Variants in OCA2 observed in about 807,000 individuals in gnomAD.
OCA2 encodes the protein OCA2 melanosomal transmembrane protein.
Under a neutral mutation model 100.2 loss-of-function variants are expected in OCA2, and 77 were observed. That is an observed-to-expected ratio of 0.77 (90% CI 0.64 to 0.93). The LOEUF is 0.93. Among genes scored for constraint, OCA2 ranks in the 40% least tolerant of loss-of-function variants. The probability of loss-of-function intolerance (pLI) is 0.00; values close to 1 mark genes in which losing one functional copy is unlikely to be tolerated. For synonymous variants in OCA2, 432 were observed against 439.2 expected, an observed-to-expected ratio of 0.98 and a Z score of 0.21; for missense variants, 1,062 against 1,089.1, an observed-to-expected ratio of 0.98 and a Z score of 0.35.
chr15:27,887,062 G>A (rs1005564668), intron 19 of OCA2, among the ~76,000 whole-genome samples: 2 of 152,108 alleles, frequency 1.3e-5, no homozygotes, highest in Admixed American at 6.5e-5. Flanking sequence ...GTTTTAAAAC[G>A]GGAGTTTCCC....
chr15:27,812,146 C>G (rs888511067), intron 23 of OCA2, among the ~76,000 whole-genome samples: 1 of 152,048 alleles, frequency 6.6e-6, no homozygotes, highest in African/African-American at 2.4e-5. Flanking sequence ...AATGCTGGAG[C>G]GAAGACCCCT....
At chr15:28,065,191 G>C (rs1467189724) in intron 2 of OCA2, among the ~76,000 whole-genome samples, 1 of 152,058 alleles carries the variant, frequency 6.6e-6, no homozygotes. Context: ...CTGAGACTAA[G>C]ATTAAGCTTG....
intron 22 of OCA2, among the ~76,000 whole-genome samples, chr15:27,847,312 A>C (rs951975504): frequency 5.9e-5 from 9 of 152,204 alleles, no homozygotes; most frequent in Non-Finnish European, 8.8e-5. Context: ...TAGGCCTGCT[A>C]CTGTCAGGCA....
intron 9 of OCA2, among the ~76,000 whole-genome samples, chr15:27,994,059 C>CT (rs1469363220): frequency 6.6e-6 from 1 of 152,068 alleles, no homozygotes; most frequent in East Asian, 1.9e-4. Context: ...AATAAAAATT[C>CT]TTAAAAGATG....
chr15:27,931,899 T>G (rs1170675332), intron 18 of OCA2, among the ~76,000 whole-genome samples: 2 of 152,182 alleles, frequency 1.3e-5, no homozygotes, highest in African/African-American at 4.8e-5. Flanking sequence ...ACACTCCTGT[T>G]CATCTGGTCC....
At chr15:27,929,629 A>G (rs1167223524) in intron 18 of OCA2, among the ~76,000 whole-genome samples, 1 of 152,104 alleles carries the variant, frequency 6.6e-6, no homozygotes, top group African/African-American at 2.4e-5. Flanking sequence ...GAAAAAAATC[A>G]TATTAATTGG....
At chr15:27,857,056 T>C (rs1164515864) in intron 21 of OCA2, among the ~76,000 whole-genome samples, 2 of 152,162 alleles carry the variant, frequency 1.3e-5, no homozygotes, top group African/African-American at 4.8e-5. Flanking sequence ...AGTCTAGGCA[T>C]TAGAATTATT....
intron 1 of OCA2, among the ~76,000 whole-genome samples, chr15:28,086,998 T>C (rs1341122801): frequency 6.6e-6 from 1 of 151,900 alleles, no homozygotes; most frequent in Non-Finnish European, 1.5e-5. Flanking sequence ...TGATGAAGAG[T>C]ATGTAGCTTA....
intron 23 of OCA2, among the ~76,000 whole-genome samples, chr15:27,815,624 G>C (rs1200105938): frequency 1.3e-5 from 2 of 152,108 alleles, no homozygotes; most frequent in African/African-American, 4.8e-5. Flanking sequence ...CAAGAGTCTA[G>C]ACAACACTTA....
At chr15:27,927,416 T>C (rs1367744809) in intron 18 of OCA2, among the ~76,000 whole-genome samples, 1 of 152,238 alleles carries the variant, frequency 6.6e-6, no homozygotes. Context: ...GATGGACACA[T>C]GGATTGTTTC....
chr15:27,831,152 G>A (rs1287128965), intron 23 of OCA2, among the ~76,000 whole-genome samples: 1 of 151,922 alleles, frequency 6.6e-6, no homozygotes, highest in Non-Finnish European at 1.5e-5. Context: ...TGGCTGTGGT[G>A]GCACGTGCCT....
At chr15:27,902,297 G>C (rs1285312320) in intron 19 of OCA2, among the ~76,000 whole-genome samples, 1 of 151,862 alleles carries the variant, frequency 6.6e-6, no homozygotes, top group Non-Finnish European at 1.5e-5. Context: ...ATGAAGCTTA[G>C]ATGATTTCCT....
chr15:28,013,946 G>T (rs1340367634), intron 9 of OCA2, among the ~76,000 whole-genome samples: 11 of 152,102 alleles, frequency 7.2e-5, no homozygotes, highest in Admixed American at 7.2e-4. Context: ...ACAGGTGAGG[G>T]CTCAACTTAC....
Position 28,080,836 on chromosome 15 carries a change from G to A in OCA2, c.227+812C>T, listed in dbSNP as rs138350502. On this transcript the variant is annotated intron_variant, in intron 2 of 23. Transcript: ENST00000354638. Reference sequence around the variant, plus strand: ...ACATCTATGTGAACTGCAAATTATGGGTTTGCAGTATAAGCATTGACATGT... The same window carrying A: ...ACATCTATGTGAACTGCAAATTATGAGTTTGCAGTATAAGCATTGACATGT... 7.4e-3 allele frequency among the ~76,000 whole-genome samples: 1,131 copies of A among 152,216 alleles called. 49 individuals carry two copies. The highest frequency in any genetic ancestry group is 0.067 in the Admixed American group (1,025 of 15,286).
intron 1 of OCA2, among the ~76,000 whole-genome samples, chr15:28,082,412 C>T (rs1035854364): frequency 9.9e-5 from 15 of 152,134 alleles, no homozygotes; most frequent in African/African-American, 1.9e-4. Flanking sequence ...TAACACTCAC[C>T]GGGAAGGTCT....
chr15:27,973,274 G>T (rs901293931), intron 14 of OCA2, among the ~76,000 whole-genome samples: 1 of 152,118 alleles, frequency 6.6e-6, no homozygotes, highest in Non-Finnish European at 1.5e-5. Context: ...GTGTCCAAAG[G>T]AGTTTTTCAT....
At chr15:28,063,849 CTG>C (rs1468533589) in intron 2 of OCA2, among the ~76,000 whole-genome samples, 1 of 152,126 alleles carries the variant, frequency 6.6e-6, no homozygotes, top group Non-Finnish European at 1.5e-5. Flanking sequence ...TACATTTATG[CTG>C]TGTTTTATGT....
At chr15:27,761,924 A>G (rs2030876373) in intron 23 of OCA2, among the ~76,000 whole-genome samples, 1 of 152,212 alleles carries the variant, frequency 6.6e-6, no homozygotes, top group Non-Finnish European at 1.5e-5. Flanking sequence ...TCCCAGGCTC[A>G]AGGGATGCTC....
At position 28,083,881 on chromosome 15, in the gene OCA2, A is replaced by G. The variant is rs577513447; in HGVS notation, c.-21-1986T>C. 1.2e-4 allele frequency among the ~76,000 whole-genome samples: 19 copies of G among 152,264 alleles called. No homozygotes were observed. The South Asian group carries it at 3.9e-3, about 32-fold the overall frequency. Reference sequence around the variant, plus strand: ...GAGGGGGTCCTCCTGCTCTCCATTGACAATTCCAGGGCGCCATTGCCCCTC... The same window carrying G: ...GAGGGGGTCCTCCTGCTCTCCATTGGCAATTCCAGGGCGCCATTGCCCCTC... On this transcript the variant is annotated intron_variant, in intron 1 of 23. Coordinates refer to ENST00000354638, the MANE Select transcript of OCA2 (RefSeq NM_000275.3).
Sources: gnomAD v4.1 joint callset for allele counts (sites outside exome capture counted in the v4.1 genomes callset) on GRCh38, gnomAD v4.1.1 for gene constraint, MANE v1.5 for transcripts, NCBI Gene and HGNC (gene_info 2026-07-23, HGNC 2026-07-21) for gene names.